Variants in RNF17 observed in about 807,000 individuals in gnomAD.
RNF17 encodes the protein spermatogenesis associated 23.
RNF17 carries 31 observed loss-of-function variants against 200.5 expected under a neutral mutation model. The observed-to-expected ratio is 0.15, with a 90% CI of 0.12 to 0.21. The LOEUF (loss-of-function observed/expected upper bound fraction) is 0.21. Among genes scored for constraint, RNF17 ranks in the 10% least tolerant of loss-of-function variants. The pLI, the probability that RNF17 is intolerant of heterozygous loss-of-function variation, is 1.00. For synonymous variants in RNF17, 606 were observed against 637.8 expected (o/e 0.95, Z 0.75); for missense variants, 1,628 against 1,905.1 (o/e 0.85, Z 2.71).
At chr13:24,855,142 C>G (rs1296373444) in intron 25 of RNF17, among the ~76,000 whole-genome samples, 1 of 152,020 alleles carries the variant, frequency 6.6e-6, no homozygotes, top group Non-Finnish European at 1.5e-5. Flanking sequence ...GCGCATTTCA[C>G]TATATTTCAT....
At chr13:24,766,684 G>A (rs914744139) in intron 1 of RNF17, among the ~76,000 whole-genome samples, 1 of 152,224 alleles carries the variant, frequency 6.6e-6, no homozygotes, top group African/African-American at 2.4e-5. Flanking sequence ...CTAGATAGGA[G>A]TCTGGATTAT....
chr13:24,802,622 G>A (rs1290538204), intron 14 of RNF17, 51 bp downstream of exon 14: 1 of 1,438,414 alleles, frequency 7.0e-7, no homozygotes, highest in Non-Finnish European at 9.4e-7. Flanking sequence ...AGCTATAAAT[G>A]AGAGTAGCAG....
chr13:24,839,139 A>G (rs34844542), intron 18 of RNF17, among the ~76,000 whole-genome samples: 65,486 of 151,876 alleles, frequency 0.43, 14,194 homozygotes, highest in East Asian at 0.47. Context: ...TCTAGAAGGA[A>G]AACTACAAAA....
In RNF17 at chr13:24,870,506, GTCCACA is replaced by G. The variant is rs569004508; in HGVS notation, c.4279-63_4279-58del. On this transcript the variant is annotated intron_variant, in intron 31 of 35. Coordinates refer to ENST00000255324, the MANE Select transcript of RNF17 (RefSeq NM_031277.3). ...GGAGGCTGTCTGCTACAGTAATTTT[GTCCACA>G]TACGTGAATTCTTGACATTCCAGAA... 971 of 1,427,344 alleles carry G rather than the reference GTCCACA, an allele frequency of 6.8e-4. 9 individuals are homozygous for G. In the East Asian group the frequency reaches 0.019, roughly 29 times the overall value. 88.4% of individuals were successfully genotyped at this position (1,427,344 alleles called of 1,614,324 possible). A position where few individuals can be genotyped will look rare whatever the true frequency, so the allele number is the denominator to read the frequency against.
chr13:24,881,912 A>C (rs1953846205), downstream of RNF17, among the ~76,000 whole-genome samples: 1 of 70,482 alleles, frequency 1.4e-5, no homozygotes, highest in Non-Finnish European at 3.5e-5. Flanking sequence ...AGATATATAG[A>C]TACATCTATA....
At chr13:24,807,235 T>C (rs374970785) in intron 15 of RNF17, among the ~76,000 whole-genome samples, 2 of 151,976 alleles carry the variant, frequency 1.3e-5, no homozygotes, top group Non-Finnish European at 2.9e-5. Context: ...CTGACTTCCA[T>C]AATGGTTGAA....
At chr13:24,836,980 C>G (rs1435349227) in intron 18 of RNF17, among the ~76,000 whole-genome samples, 1 of 152,118 alleles carries the variant, frequency 6.6e-6, no homozygotes, top group East Asian at 1.9e-4. Context: ...CTTCAGGAGA[C>G]TCACATAACA....
Position 24,778,228 on chromosome 13 carries a change from C to T in RNF17, c.318-67C>T, listed in dbSNP as rs1167982875. Reference sequence around the variant, plus strand: ...CATGAGCCATGATGGTGCCACTGCACTCTGGCCTGGGTGACAGAGAAAGAT... The same window carrying T: ...CATGAGCCATGATGGTGCCACTGCATTCTGGCCTGGGTGACAGAGAAAGAT... On this transcript the variant is annotated intron_variant, in intron 3 of 35. Coordinates refer to ENST00000255324, the MANE Select transcript of RNF17 (RefSeq NM_031277.3). 6.4e-6 allele frequency: 7 copies of T among 1,100,984 alleles called. No homozygotes were observed. In the African/African-American group the frequency reaches 1.1e-4, roughly 17 times the overall value. The allele number at this position is 1,100,984 out of a possible 1,614,324, so 68.2% of individuals were successfully genotyped here. A position where few individuals can be genotyped will look rare whatever the true frequency, so the allele number is the denominator to read the frequency against.
chr13:24,840,028 A>T (rs1383104595), intron 18 of RNF17, among the ~76,000 whole-genome samples: 1 of 152,080 alleles, frequency 6.6e-6, no homozygotes, highest in Non-Finnish European at 1.5e-5. Flanking sequence ...CCTCAAACAA[A>T]TCAGTAAGAA....
rs1465416373 is a variant in RNF17 at position 24,789,344 on chromosome 13, C to G, written c.784-4C>G. On this transcript the variant is annotated splice_region_variant and splice_polypyrimidine_tract_variant and intron_variant, in intron 7 of 35. Coordinates refer to ENST00000255324, the MANE Select transcript of RNF17 (RefSeq NM_031277.3). ...ACATGAATGATTTTTTTTTTAAATT[C>G]TAGATTATCCGGACTTTGCAGTTAA... The G allele has an allele frequency of 1.3e-6, 2 of 1,569,366 alleles. No individual in the cohort carries two copies. The highest frequency in any genetic ancestry group is 1.7e-6 in the Non-Finnish European group (2 of 1,146,168).
chr13:24,826,202 A>G (rs757728279), intron 16 of RNF17: 4 of 537,714 alleles, frequency 7.4e-6, no homozygotes, highest in Middle Eastern at 9.4e-4. Context: ...TTTTCTCGAT[A>G]TATTTTTTCT....
rs536781683 is a variant in RNF17, at chr13:24,812,483, G to A, written c.2091+8054G>A. Among the ~76,000 whole-genome samples the A allele has an allele frequency of 4.6e-5, 7 of 152,238 alleles. No homozygotes were observed. The South Asian group carries it at 1.5e-3, about 32-fold the overall frequency. On this transcript the variant is annotated intron_variant, in intron 15 of 35. Coordinates refer to ENST00000255324, the MANE Select transcript of RNF17 (RefSeq NM_031277.3). Reference sequence around the variant, plus strand: ...CCTTGCGCTTCCCGAGTGAGGCAATGCCTCGCCCTGCTTCGGCTCACGCAT... The same window carrying A: ...CCTTGCGCTTCCCGAGTGAGGCAATACCTCGCCCTGCTTCGGCTCACGCAT...
At chr13:24,788,784 T>A (rs1883456761) in intron 7 of RNF17, among the ~76,000 whole-genome samples, 1 of 152,042 alleles carries the variant, frequency 6.6e-6, no homozygotes, top group Admixed American at 6.6e-5. Context: ...TCCCTAAGGG[T>A]ATAGGTTTTG....
At position 24,825,769 on chromosome 13, in the gene RNF17, A is replaced by G. The variant is rs1566185596; in HGVS notation, c.2242A>G (p.Ile748Val). The change falls in exon 16 of 36, where the codon ATC (isoleucine) becomes GTC (valine). Residue 748 changes from isoleucine to valine, a missense_variant. Ile to Val is a conservative substitution (Grantham distance 29). This residue lies in a region of RNF17 where 289 missense variants were observed against 384.9 expected (regional missense o/e 0.75). Coordinates refer to ENST00000255324, the MANE Select transcript of RNF17 (RefSeq NM_031277.3). Reference sequence around the variant, plus strand: ...TGGAATTTGGTACCGAGCAAAAGTTATCGGTAGGAGAATGCATGCTGTTTC... The same window carrying G: ...TGGAATTTGGTACCGAGCAAAAGTTGTCGGTAGGAGAATGCATGCTGTTTC... ...EDGIWYRAKV[I>V]GLPGHQEVEV... The G allele has an allele frequency of 1.2e-6, 2 of 1,612,064 alleles. No homozygotes were observed. The highest frequency in any genetic ancestry group is 1.7e-6 in the Non-Finnish European group (2 of 1,178,986).
intron 2 of RNF17, among the ~76,000 whole-genome samples, chr13:24,768,812 G>A (rs1024244077): frequency 4.6e-5 from 7 of 151,750 alleles, no homozygotes; most frequent in Non-Finnish European, 7.4e-5. Flanking sequence ...ACAGTTCTCC[G>A]TAAGCTTCCA....
chr13:24,854,278 C>A, intron 25 of RNF17, 134 bp downstream of exon 25: 1 of 633,260 alleles, frequency 1.6e-6, no homozygotes, highest in Non-Finnish European at 2.7e-6. Flanking sequence ...ACAATGCATG[C>A]AAAGTGCTTT....
At chr13:24,785,444 A>G (rs566936870) in intron 6 of RNF17, among the ~76,000 whole-genome samples, 2 of 152,326 alleles carry the variant, frequency 1.3e-5, no homozygotes, top group East Asian at 3.8e-4. Context: ...GTAGGATTTC[A>G]ATCTTTAAGT....
chr13:24,817,944 T>G (rs1006972149), intron 15 of RNF17, among the ~76,000 whole-genome samples: 11 of 152,104 alleles, frequency 7.2e-5, no homozygotes, highest in African/African-American at 2.7e-4. Flanking sequence ...TCTGCTACTT[T>G]TGGGTAATTT....
intron 22 of RNF17, among the ~76,000 whole-genome samples, chr13:24,847,173 C>A (rs915467124): frequency 6.6e-6 from 1 of 151,812 alleles, no homozygotes; most frequent in Admixed American, 6.6e-5. Context: ...ATGTGCTTTA[C>A]GTGTGTTAGT....
Sources: allele counts gnomAD v4.1 joint callset (sites outside exome capture counted in the v4.1 genomes callset), GRCh38; gene constraint gnomAD v4.1.1; regional missense constraint gnomAD v4.1.1; transcripts MANE v1.5; gene names NCBI Gene and HGNC (gene_info 2026-07-23, HGNC 2026-07-21).